The following ASPH variants were observed in gnomAD, a reference collection of about 807,000 sequenced individuals.
ASPH encodes the protein aspartate beta-hydroxylase.
A neutral mutation model predicts 118.4 loss-of-function variants in ASPH; 100 were observed. The ratio of observed to expected loss-of-function variants is 0.84; its 90% CI spans 0.72 to 1.00. ASPH has a LOEUF of 1.00. ASPH is among the 50% of genes least tolerant of loss of function. ASPH has a pLI of 0.00. For synonymous variants in ASPH, 315 were observed against 325.6 expected, an observed-to-expected ratio of 0.97 and a Z score of 0.35; for missense variants, 920 against 919.5, an observed-to-expected ratio of 1.00 and a Z score of -0.01.
intron 21 of ASPH, among the ~76,000 whole-genome samples, chr8:61,543,961 G>T (rs566082833): frequency 1.0e-3 from 158 of 152,306 alleles, no homozygotes; most frequent in Non-Finnish European, 1.7e-3. Context: ...TTTCTTGCAA[G>T]TGAGGACAAA....
At chr8:61,559,263 A>C (rs1485442013) in intron 18 of ASPH, among the ~76,000 whole-genome samples, 4 of 152,340 alleles carry the variant, frequency 2.6e-5, no homozygotes, top group Admixed American at 6.5e-5. Flanking sequence ...CATATAGTAC[A>C]TATACAAAAT....
chr8:61,675,902 G>A, intron 3 of ASPH: 1 of 1,411,922 alleles, frequency 7.1e-7, no homozygotes, highest in Non-Finnish European at 9.2e-7. Flanking sequence ...GGGGAGCTGA[G>A]CGAGCAAGGG....
At chr8:61,583,868 T>TG in intron 15 of ASPH, 76 bp downstream of exon 15, 2 of 1,086,418 alleles carry the variant, frequency 1.8e-6, no homozygotes. Context: ...TACTATTTTT[T>TG]TTTTTTTTAA....
At chr8:61,537,718 AC>A (rs1820166496) in intron 21 of ASPH, among the ~76,000 whole-genome samples, 2 of 152,082 alleles carry the variant, frequency 1.3e-5, no homozygotes, top group Non-Finnish European at 2.9e-5. Context: ...ACATTTTAGA[AC>A]CCCAAATGGA....
At chr8:61,642,596 T>A (rs1253930833) in intron 10 of ASPH, among the ~76,000 whole-genome samples, 1 of 152,212 alleles carries the variant, frequency 6.6e-6, no homozygotes, top group Non-Finnish European at 1.5e-5. Flanking sequence ...CCGGGCGCAG[T>A]GGCTCATGCC....
At chr8:61,706,442 G>C (rs954838292) in intron 1 of ASPH, among the ~76,000 whole-genome samples, 3 of 131,684 alleles carry the variant, frequency 2.3e-5, no homozygotes, top group Non-Finnish European at 4.8e-5. Context: ...AGAAGAAGAA[G>C]AAGAAGAAGA....
At chr8:61,558,552 G>A (rs1042849685) in intron 18 of ASPH, among the ~76,000 whole-genome samples, 3 of 152,126 alleles carry the variant, frequency 2.0e-5, no homozygotes, top group Non-Finnish European at 4.4e-5. Context: ...TGTGAAACAA[G>A]CTCTGTGGCT....
chr8:61,525,369 CAT>C (rs71992492), intron 22 of ASPH, among the ~76,000 whole-genome samples: 24,542 of 148,960 alleles, frequency 0.16, 2,337 homozygotes, highest in East Asian at 0.4. Flanking sequence ...CACACACACA[CAT>C]ACACACACGC....
chr8:61,663,492 C>T (rs774980788), intron 3 of ASPH: 1 of 985,332 alleles, frequency 1.0e-6, no homozygotes, highest in Non-Finnish European at 1.2e-6. Context: ...GAAACCAGCA[C>T]AGTTAAGACT....
chr8:61,504,604 C>A (rs1005869320), intron 24 of ASPH, among the ~76,000 whole-genome samples: 1 of 152,178 alleles, frequency 6.6e-6, no homozygotes, highest in Non-Finnish European at 1.5e-5. Flanking sequence ...CTGGATCATT[C>A]TCTGTTGTAG....
Position 61,511,218 on chromosome 8 carries a change from G to A in ASPH, c.2126+6310C>T, listed in dbSNP as rs542194925. ...AAATACTTGAGGTCTATGGAGGAAG[G>A]CCATTATTTCTACAGCAATATAGAA... On this transcript the variant is annotated intron_variant, in intron 24 of 24. Coordinates refer to ENST00000379454, the MANE Select transcript of ASPH (RefSeq NM_004318.4). Among the ~76,000 whole-genome samples, 3 of 152,244 alleles carry A rather than the reference G, an allele frequency of 2.0e-5. No homozygotes were observed. In the East Asian group the frequency reaches 5.8e-4, roughly 29 times the overall value.
chr8:61,551,721 G>GT (rs1323311851), intron 20 of ASPH, among the ~76,000 whole-genome samples: 3 of 152,194 alleles, frequency 2.0e-5, no homozygotes, highest in Admixed American at 6.5e-5. Context: ...TACATTTACA[G>GT]TAGTCAGACA....
chr8:61,606,311 T>C (rs1344892639), intron 14 of ASPH: 1 of 152,200 alleles, frequency 6.6e-6, no homozygotes, highest in Non-Finnish European at 1.5e-5. Flanking sequence ...ACTATGATGA[T>C]ATAAATGCAC....
At chr8:61,509,888 C>T (rs1031965781) in intron 24 of ASPH, among the ~76,000 whole-genome samples, 1 of 152,142 alleles carries the variant, frequency 6.6e-6, no homozygotes, top group Non-Finnish European at 1.5e-5. Context: ...ACGCCCCTAT[C>T]TGTACCATTC....
intron 3 of ASPH, chr8:61,665,179 A>AT (rs905518527): frequency 1.6e-4 from 247 of 1,518,190 alleles, no homozygotes; most frequent in Non-Finnish European, 1.6e-4. Context: ...GCAATATTAC[A>AT]TTTTCCATGC....
chr8:61,503,026 A>G lies in ASPH; in HGVS notation c.*333T>C, dbSNP rs1805198915. 5.3e-6 allele frequency: 1 copy of G among 189,110 alleles called. No homozygotes were observed. Among genetic ancestry groups the G allele is most frequent in the African/African-American group, 2.3e-5 (1 of 43,106 alleles). The allele number at this position is 189,110 out of a possible 1,614,324, so 11.7% of individuals were successfully genotyped here. On this transcript the variant is annotated 3_prime_UTR_variant, in exon 25 of 25. Coordinates refer to ENST00000379454, the MANE Select transcript of ASPH (RefSeq NM_004318.4). ...AAAGCAATCCATTCACAGTTTCTAC[A>G]TATGTTCTCATTATACATTGAATTA...
intron 13 of ASPH, among the ~76,000 whole-genome samples, chr8:61,631,038 A>C (rs1038899554): frequency 6.6e-6 from 1 of 152,190 alleles, no homozygotes. Flanking sequence ...AAAAGTTAAA[A>C]AAATTGAAAA....
At position 61,704,117 on chromosome 8, in the gene ASPH, C is replaced by A. The variant is rs1054818554; in HGVS notation, c.103+10152G>T. Among the ~76,000 whole-genome samples the A allele has an allele frequency of 2.2e-5, 3 of 134,160 alleles. 1 individual carries two copies. The highest frequency in any genetic ancestry group is 4.8e-4 in the South Asian group (2 of 4,180). The allele number at this position is 134,160 out of a possible 152,430, so 88.0% of individuals were successfully genotyped here. On this transcript the variant is annotated intron_variant, in intron 1 of 24. Coordinates refer to ENST00000379454, the MANE Select transcript of ASPH (RefSeq NM_004318.4). Reference sequence around the variant, plus strand: ...GGCTGAGGCAGGAGAATGGCGTGAACCCGGGAGGCGGAGCTTGCAGTGAGC... The same window carrying A: ...GGCTGAGGCAGGAGAATGGCGTGAAACCGGGAGGCGGAGCTTGCAGTGAGC...
intron 13 of ASPH, chr8:61,632,623 A>G (rs748244404): frequency 2.1e-6 from 1 of 482,932 alleles, no homozygotes; most frequent in South Asian, 1.6e-5. Context: ...TTTCTCATTC[A>G]TATTATAATA....
Sources: allele counts gnomAD v4.1 joint callset (sites outside exome capture counted in the v4.1 genomes callset), GRCh38; gene constraint gnomAD v4.1.1; transcripts MANE v1.5; gene names NCBI Gene and HGNC (gene_info 2026-07-23, HGNC 2026-07-21).